Variants in LSM14A observed in about 807,000 individuals in gnomAD.
LSM14A encodes protein LSM14 homolog A.
Under a neutral mutation model 52.4 loss-of-function variants are expected in LSM14A, and 14 were observed. The observed-to-expected ratio is 0.27, with a 90% CI of 0.18 to 0.42. The LOEUF (loss-of-function observed/expected upper bound fraction) is 0.42. Among genes scored for constraint, LSM14A ranks in the 10% least tolerant of loss-of-function variants. LSM14A has a pLI of 1.00. For missense variants in LSM14A, 417 were observed against 581.8 expected, an observed-to-expected ratio of 0.72 and a Z score of 2.91; for synonymous variants, 185 against 200.3, an observed-to-expected ratio of 0.92 and a Z score of 0.64.
intron 7 of LSM14A, 28 bp downstream of exon 7, chr19:34,219,601 A>AT (rs1292675556): frequency 2.5e-6 from 4 of 1,593,776 alleles, no homozygotes; most frequent in African/African-American, 2.7e-5. Flanking sequence ...TTTTCAGAAA[A>AT]TAATCTTATT....
In LSM14A at chr19:34,227,483, G is replaced by A. The variant is rs972271626; in HGVS notation, c.*95G>A. On this transcript the variant is annotated 3_prime_UTR_variant, in exon 10 of 10. Transcript: ENST00000544216. ...TTGCAAAGAATGAAGAAGTGAATTC[G>A]CTGTACATTTGTCACCAGCACTGGG... 9 of 964,490 alleles carry A rather than the reference G, an allele frequency of 9.3e-6. No homozygotes were observed. The highest frequency in any genetic ancestry group is 2.7e-5 in the Admixed American group (1 of 36,546). 59.7% of individuals were successfully genotyped at this position (964,490 alleles called of 1,614,324 possible).
intron 3 of LSM14A, among the ~76,000 whole-genome samples, chr19:34,197,859 A>G (rs909981389): frequency 6.6e-6 from 1 of 152,238 alleles, no homozygotes; most frequent in African/African-American, 2.4e-5. Context: ...AAACGAAACT[A>G]TAATGAGAAT....
intron 9 of LSM14A, among the ~76,000 whole-genome samples, chr19:34,222,668 G>A (rs1425111479): frequency 1.3e-5 from 2 of 152,302 alleles, no homozygotes; most frequent in East Asian, 3.9e-4. Context: ...ATCAGTATTA[G>A]TGGCTTTTGG....
intron 3 of LSM14A, among the ~76,000 whole-genome samples, chr19:34,205,631 A>G (rs1256629880): frequency 6.6e-6 from 1 of 151,850 alleles, no homozygotes; most frequent in Non-Finnish European, 1.5e-5. Context: ...GCAGTGAACT[A>G]TGATTGTGCC....
intron 2 of LSM14A, among the ~76,000 whole-genome samples, chr19:34,195,903 C>T (rs1263115918): frequency 1.3e-5 from 2 of 152,198 alleles, no homozygotes; most frequent in Admixed American, 6.5e-5. Flanking sequence ...ACTTGATCTC[C>T]TTATTCATTC....
At chr19:34,175,655 A>G (rs1270715573) in intron 1 of LSM14A, among the ~76,000 whole-genome samples, 1 of 152,242 alleles carries the variant, frequency 6.6e-6, no homozygotes, top group Admixed American at 6.5e-5. Flanking sequence ...ATCGAAAACT[A>G]CATTATAACT....
Position 34,228,201 on chromosome 19 carries a change from G to A in LSM14A, c.*813G>A, listed in dbSNP as rs965913695. On this transcript the variant is annotated 3_prime_UTR_variant, in exon 10 of 10. Coordinates refer to ENST00000544216, the MANE Select transcript of LSM14A (RefSeq NM_015578.4). Reference sequence around the variant, plus strand: ...AACATTTTTGATTTTGTTTTTTAATGTTTGGAACATAAATGAAGATTTGAT... The same window carrying A: ...AACATTTTTGATTTTGTTTTTTAATATTTGGAACATAAATGAAGATTTGAT... 6.6e-5 allele frequency: 10 copies of A among 152,408 alleles called. No individual in the cohort carries two copies. Among genetic ancestry groups the A allele is most frequent in the African/African-American group, 2.4e-4 (10 of 41,346 alleles). 9.4% of individuals were successfully genotyped at this position (152,408 alleles called of 1,614,324 possible).
At chr19:34,194,397 G>T in intron 1 of LSM14A, 81 bp from the exon 2 acceptor site, 1 of 1,250,694 alleles carries the variant, frequency 8.0e-7, no homozygotes, top group South Asian at 1.3e-5. Context: ...CTTAGTACTT[G>T]AAATACAACA....
At chr19:34,214,978 A>T in intron 4 of LSM14A, 146 bp from the exon 5 acceptor site, 1 of 477,088 alleles carries the variant, frequency 2.1e-6, no homozygotes, top group Non-Finnish European at 3.7e-6. Flanking sequence ...TACCATTCTT[A>T]ATATCTGGTC....
intron 3 of LSM14A, among the ~76,000 whole-genome samples, chr19:34,198,359 G>A (rs755148496): frequency 1.3e-5 from 2 of 152,124 alleles, no homozygotes; most frequent in Non-Finnish European, 2.9e-5. Flanking sequence ...GCTCACGCCT[G>A]TAATCCCAGC....
intron 9 of LSM14A, among the ~76,000 whole-genome samples, chr19:34,222,937 C>A (rs930086891): frequency 1.3e-5 from 2 of 152,184 alleles, no homozygotes; most frequent in African/African-American, 2.4e-5. Flanking sequence ...AGTATTTTCA[C>A]AAATATTTTA....
chr19:34,227,968 C>G lies in LSM14A; in HGVS notation c.*580C>G, dbSNP rs547370765. The G allele has an allele frequency of 6.6e-6, 1 of 152,576 alleles. No individual in the cohort carries two copies. Among genetic ancestry groups the G allele is most frequent in the East Asian group, 1.9e-4 (1 of 5,176 alleles). The allele number at this position is 152,576 out of a possible 1,614,324, so 9.5% of individuals were successfully genotyped here. A position where few individuals can be genotyped will look rare whatever the true frequency, so the allele number is the denominator to read the frequency against. On this transcript the variant is annotated 3_prime_UTR_variant, in exon 10 of 10. Transcript: ENST00000544216. Reference sequence around the variant, plus strand: ...CACACAGTAAATACTGTTTCTTAGGCAAAGGTAACTTTTTTATATAGTTGT... The same window carrying G: ...CACACAGTAAATACTGTTTCTTAGGGAAAGGTAACTTTTTTATATAGTTGT...
intron 4 of LSM14A, among the ~76,000 whole-genome samples, chr19:34,211,510 G>T (rs1260629): frequency 7.2e-5 from 11 of 151,894 alleles, no homozygotes; most frequent in Admixed American, 7.2e-4. Flanking sequence ...ATATCTTATT[G>T]CTAGATAGAA....
chr19:34,186,831 T>C (rs2145570314), intron 1 of LSM14A, among the ~76,000 whole-genome samples: 1 of 152,336 alleles, frequency 6.6e-6, no homozygotes, highest in South Asian at 2.1e-4. Context: ...TGTAAGCGTC[T>C]TTTGGATATT....
intron 4 of LSM14A, 106 bp downstream of exon 4, chr19:34,209,157 C>G: frequency 1.1e-6 from 1 of 951,726 alleles, no homozygotes; most frequent in Non-Finnish European, 1.5e-6. Flanking sequence ...TGTATAATTT[C>G]TATTTGGCTC....
chr19:34,218,984 C>T (rs1312853283), intron 6 of LSM14A, among the ~76,000 whole-genome samples: 1 of 152,128 alleles, frequency 6.6e-6, no homozygotes, highest in Non-Finnish European at 1.5e-5. Flanking sequence ...AAAAGGCTTT[C>T]TACATTTTGA....
intron 1 of LSM14A, among the ~76,000 whole-genome samples, chr19:34,191,856 C>G (rs1233472294): frequency 6.6e-6 from 1 of 152,162 alleles, no homozygotes; most frequent in African/African-American, 2.4e-5. Context: ...TTAGTCCTTT[C>G]TCCTCCTTAT....
intron 1 of LSM14A, among the ~76,000 whole-genome samples, chr19:34,186,003 G>C (rs1008040420): frequency 6.6e-6 from 1 of 152,084 alleles, no homozygotes; most frequent in East Asian, 1.9e-4. Flanking sequence ...ATTTAATTCA[G>C]TTCCCTTGGT....
intron 4 of LSM14A, among the ~76,000 whole-genome samples, chr19:34,209,803 G>C (rs1568492069): frequency 6.7e-6 from 1 of 150,216 alleles, no homozygotes; most frequent in East Asian, 2.0e-4. Flanking sequence ...TCCCCAAAGT[G>C]TTGGGATGTT....
Sources: allele counts gnomAD v4.1 joint callset (sites outside exome capture counted in the v4.1 genomes callset), GRCh38; gene constraint gnomAD v4.1.1; transcripts MANE v1.5; gene names NCBI Gene and HGNC (gene_info 2026-07-23, HGNC 2026-07-21).